Variants in TMEM132D observed in about 807,000 individuals in gnomAD.
The protein encoded by TMEM132D is transmembrane protein 132D, also known as mature OL transmembrane protein.
A neutral mutation model predicts 62.3 loss-of-function variants in TMEM132D; 21 were observed. The observed-to-expected ratio is 0.34, with a 90% CI of 0.24 to 0.49. The LOEUF (loss-of-function observed/expected upper bound fraction) is 0.49. Ranked by LOEUF, TMEM132D falls within the 20% of genes least tolerant of loss-of-function variation. The pLI, the probability that TMEM132D is intolerant of heterozygous loss-of-function variation, is 0.99. For missense variants in TMEM132D, 1,346 were observed against 1,402.8 expected, an observed-to-expected ratio of 0.96 and a Z score of 0.65; for synonymous variants, 621 against 575.6, an observed-to-expected ratio of 1.08 and a Z score of -1.13.
Position 129,764,606 on chromosome 12 carries a change from G to A in TMEM132D, c.80-63908C>T, listed in dbSNP as rs201592952. 7.9e-4 allele frequency among the ~76,000 whole-genome samples: 121 copies of A among 152,224 alleles called. 3 individuals carry two copies. In the East Asian group the frequency reaches 0.023, roughly 29 times the overall value. On this transcript the variant is annotated intron_variant, in intron 1 of 8. Transcript: ENST00000422113. ...TATGTGTGTTTGTATGTGTGTGTGT[G>A]TGTGTTTATGTGATTAGAAAACTCT...
At chr12:129,693,833 G>A (rs544180287) in intron 2 of TMEM132D, among the ~76,000 whole-genome samples, 51 of 151,626 alleles carry the variant, frequency 3.4e-4, no homozygotes, top group South Asian at 2.3e-3. Flanking sequence ...TGAGACATGC[G>A]ATGTATGCGA....
At chr12:129,504,383 T>C (rs1875267060) in intron 3 of TMEM132D, among the ~76,000 whole-genome samples, 1 of 152,200 alleles carries the variant, frequency 6.6e-6, no homozygotes, top group Non-Finnish European at 1.5e-5. Flanking sequence ...CCTGAACTAT[T>C]TTCTTGGTAA....
intron 5 of TMEM132D, among the ~76,000 whole-genome samples, chr12:129,179,956 A>T (rs1878018138): frequency 6.6e-6 from 1 of 151,938 alleles, no homozygotes; most frequent in Non-Finnish European, 1.5e-5. Context: ...TGAACCTGGG[A>T]GGCGGAGGTT....
At chr12:129,891,667 T>A (rs1276147794) in intron 1 of TMEM132D, among the ~76,000 whole-genome samples, 2 of 152,186 alleles carry the variant, frequency 1.3e-5, no homozygotes. Context: ...AAACTTAAAT[T>A]ATGCACAAAG....
chr12:129,315,435 G>A (rs1428973751), intron 4 of TMEM132D, among the ~76,000 whole-genome samples: 1 of 151,988 alleles, frequency 6.6e-6, no homozygotes, highest in Admixed American at 6.6e-5. Context: ...TGTTTATGTG[G>A]TGTATCACAT....
chr12:129,594,865 C>T (rs1025837575), intron 2 of TMEM132D, among the ~76,000 whole-genome samples: 5 of 152,122 alleles, frequency 3.3e-5, no homozygotes, highest in African/African-American at 7.2e-5. Context: ...CTGGGACTAC[C>T]GCTCAGTTTG....
At chr12:129,183,305 G>T (rs1349741532) in intron 5 of TMEM132D, among the ~76,000 whole-genome samples, 1 of 152,196 alleles carries the variant, frequency 6.6e-6, no homozygotes, top group East Asian at 1.9e-4. Flanking sequence ...CCTATTACAG[G>T]TGAGAGTGGC....
intron 3 of TMEM132D, among the ~76,000 whole-genome samples, chr12:129,384,649 G>A (rs1458873777): frequency 6.6e-6 from 1 of 152,022 alleles, no homozygotes; most frequent in Admixed American, 6.6e-5. Context: ...CTCCAAGTGT[G>A]GTCCATGGGC....
At chr12:129,801,410 AC>A (rs1187611925) in intron 1 of TMEM132D, among the ~76,000 whole-genome samples, 5 of 151,000 alleles carry the variant, frequency 3.3e-5, no homozygotes, top group African/African-American at 1.2e-4. Flanking sequence ...ACTGGGAGGC[AC>A]CCCCCAGCAG....
At chr12:129,818,117 T>C (rs1302470496) in intron 1 of TMEM132D, among the ~76,000 whole-genome samples, 2 of 146,930 alleles carry the variant, frequency 1.4e-5, no homozygotes, top group Non-Finnish European at 1.5e-5. Flanking sequence ...TATGTGTATC[T>C]GTATGTGGTT....
intron 3 of TMEM132D, among the ~76,000 whole-genome samples, chr12:129,447,966 T>C (rs145552933): frequency 1.8e-3 from 268 of 152,320 alleles, no homozygotes; most frequent in African/African-American, 6.3e-3. Flanking sequence ...AATTATGTCT[T>C]ATTTATCTAT....
At chr12:129,322,216 C>G (rs1318076701) in intron 4 of TMEM132D, among the ~76,000 whole-genome samples, 3 of 151,910 alleles carry the variant, frequency 2.0e-5, no homozygotes, top group African/African-American at 7.3e-5. Flanking sequence ...ACAGACATGT[C>G]TATGCCTTTT....
intron 3 of TMEM132D, among the ~76,000 whole-genome samples, chr12:129,458,471 G>T (rs1158690413): frequency 6.7e-6 from 1 of 149,462 alleles, no homozygotes; most frequent in Non-Finnish European, 1.5e-5. Context: ...AGCTAAATTT[G>T]TTAAGATTTG....
At chr12:129,182,380 G>A (rs1878092093) in intron 5 of TMEM132D, among the ~76,000 whole-genome samples, 1 of 152,148 alleles carries the variant, frequency 6.6e-6, no homozygotes, top group African/African-American at 2.4e-5. Flanking sequence ...AAAGAAAGTG[G>A]AGCCATGGAC....
intron 2 of TMEM132D, among the ~76,000 whole-genome samples, chr12:129,622,765 C>T (rs10847914): frequency 0.29 from 44,141 of 152,170 alleles, 6,790 homozygotes; most frequent in Non-Finnish European, 0.34. Flanking sequence ...GCCCTTCCCA[C>T]CAGCCACAGG....
At chr12:129,296,522 G>A (rs1003972477) in intron 4 of TMEM132D, among the ~76,000 whole-genome samples, 6 of 152,260 alleles carry the variant, frequency 3.9e-5, no homozygotes, top group Middle Eastern at 6.8e-3. Flanking sequence ...GACAAGTGTC[G>A]GCAGCTTCTG....
chr12:129,535,779 T>TGTGC (rs1016452109), intron 2 of TMEM132D, among the ~76,000 whole-genome samples: 2 of 37,044 alleles, frequency 5.4e-5, no homozygotes, highest in African/African-American at 3.8e-4. Flanking sequence ...TTTGTGTGCG[T>TGTGC]GTGTGTGTGT....
rs922132966 is a variant in TMEM132D at position 129,779,663 on chromosome 12, C to A, written c.80-78965G>T. On this transcript the variant is annotated intron_variant, in intron 1 of 8. Transcript: ENST00000422113. This position sits in a 1 kb window ranked among gnomAD's most constrained non-coding sequence, Gnocchi z 4.1. ...GAAGAAGAGCAGGTATTGGAAGAGA[C>A]CATCAGAAGGCCCCTCCACAGTCAG... 6.6e-6 allele frequency among the ~76,000 whole-genome samples: 1 copy of A among 152,000 alleles called. No homozygotes were observed. Among genetic ancestry groups the A allele is most frequent in the Non-Finnish European group, 1.5e-5 (1 of 68,006 alleles).
At chr12:129,204,649 C>T (rs1351873385) in intron 5 of TMEM132D, among the ~76,000 whole-genome samples, 5 of 152,140 alleles carry the variant, frequency 3.3e-5, no homozygotes, top group African/African-American at 1.2e-4. Context: ...GCTAGATATG[C>T]CAACATTCAA....
Sources: gnomAD v4.1 joint callset for allele counts (sites outside exome capture counted in the v4.1 genomes callset) on GRCh38, gnomAD v4.1.1 for gene constraint, Gnocchi (gnomAD v3.1) non-coding constraint, MANE v1.5 for transcripts, NCBI Gene and HGNC (gene_info 2026-07-23, HGNC 2026-07-21) for gene names.